PDE4D: variants seen among roughly 807,000 people sequenced by gnomAD.
PDE4D encodes 3',5'-cyclic-AMP phosphodiesterase 4D.
In PDE4D, 24 loss-of-function variants were observed where a neutral mutation model predicts 87.4. The observed-to-expected ratio is 0.27, with a 90% CI of 0.20 to 0.39. The LOEUF is 0.39. PDE4D is among the 10% of genes least tolerant of loss of function. PDE4D has a pLI of 1.00. For synonymous variants in PDE4D, 384 were observed against 383.2 expected (o/e 1.00, Z -0.02); for missense variants, 714 against 1,041.0 (o/e 0.69, Z 4.32).
In PDE4D at chr5:60,157,996, T is replaced by C. The variant is rs541230464; in HGVS notation, c.42+27561A>G. Among the ~76,000 whole-genome samples, 572 of 152,028 alleles carry C rather than the reference T, an allele frequency of 3.8e-3. 1 individual carries two copies. Among genetic ancestry groups the C allele is most frequent in the African/African-American group, 0.012 (495 of 41,420 alleles). On this transcript the variant is annotated intron_variant, in intron 2 of 16. Coordinates refer to the PDE4D transcript ENST00000502484. Reference sequence around the variant, plus strand: ...TTGAGGGTATGCTTGTGATAGAATATCCTATATCCTATTTCCCATGGAAAA... The same window carrying C: ...TTGAGGGTATGCTTGTGATAGAATACCCTATATCCTATTTCCCATGGAAAA...
chr5:59,970,381 T>C (rs2152817158), intron 3 of PDE4D, among the ~76,000 whole-genome samples: 1 of 152,150 alleles, frequency 6.6e-6, no homozygotes, highest in East Asian at 1.9e-4. Flanking sequence ...CTAAAGAGCT[T>C]CTGTACAGCA....
intron 1 of PDE4D, among the ~76,000 whole-genome samples, chr5:59,673,191 C>T (rs1313949238): frequency 6.6e-6 from 1 of 152,116 alleles, no homozygotes; most frequent in Non-Finnish European, 1.5e-5. Flanking sequence ...CAGTAAATGG[C>T]CCAACTGTTT....
intron 1 of PDE4D, among the ~76,000 whole-genome samples, chr5:59,621,338 C>T (rs2150111144): frequency 6.6e-6 from 1 of 152,288 alleles, no homozygotes; most frequent in South Asian, 2.1e-4. Flanking sequence ...CTTTATGTTT[C>T]CTGGAGTGAG....
At position 60,443,883 on chromosome 5, in the gene PDE4D, T is replaced by G. The variant is rs140244482; in HGVS notation, c.-90+44059A>C. On this transcript the variant is annotated intron_variant, in intron 1 of 16. Transcript: ENST00000502484. ...CAACATCCACTGGGTGCTAGAATCA[T>G]GAAAACAATGGCTACACATCAATGT... 1.1e-3 allele frequency among the ~76,000 whole-genome samples: 160 copies of G among 152,240 alleles called. 2 individuals are homozygous for G. Among genetic ancestry groups the G allele is most frequent in the African/African-American group, 3.8e-3 (158 of 41,552 alleles).
chr5:59,038,229 A>C (rs1406382440), intron 6 of PDE4D, among the ~76,000 whole-genome samples: 1 of 152,232 alleles, frequency 6.6e-6, no homozygotes, highest in East Asian at 1.9e-4. Context: ...GCACCTTAGC[A>C]CATATGGCAC....
chr5:59,469,852 A>G (rs16889876), intron 1 of PDE4D, among the ~76,000 whole-genome samples: 31,362 of 152,044 alleles, frequency 0.21, 3,399 homozygotes, highest in African/African-American at 0.25. Context: ...GGGCAAACCA[A>G]CGCTAAAGGC....
At chr5:59,861,649 T>C (rs1235038358) in intron 1 of PDE4D, among the ~76,000 whole-genome samples, 1 of 152,224 alleles carries the variant, frequency 6.6e-6, no homozygotes, top group East Asian at 1.9e-4. Context: ...GTTCATTTTT[T>C]TTCCCCCAGC....
intron 5 of PDE4D, among the ~76,000 whole-genome samples, chr5:59,046,332 A>G (rs1206082843): frequency 6.6e-6 from 1 of 151,500 alleles, no homozygotes; most frequent in African/African-American, 2.4e-5. Flanking sequence ...GTGCACATGC[A>G]TGTGTGTGTG....
At chr5:60,138,715 T>C (rs1172901248) in intron 2 of PDE4D, among the ~76,000 whole-genome samples, 1 of 152,092 alleles carries the variant, frequency 6.6e-6, no homozygotes, top group Non-Finnish European at 1.5e-5. Flanking sequence ...CAAACTTCAC[T>C]AAACCATGCT....
intron 1 of PDE4D, among the ~76,000 whole-genome samples, chr5:59,487,728 C>T (rs1805404645): frequency 6.6e-6 from 1 of 152,124 alleles, no homozygotes; most frequent in Non-Finnish European, 1.5e-5. Flanking sequence ...TAGTCCCTGG[C>T]TATGAATTTG....
intron 5 of PDE4D, among the ~76,000 whole-genome samples, chr5:59,055,727 ACTT>A (rs958588295): frequency 4.1e-4 from 62 of 152,230 alleles, no homozygotes; most frequent in African/African-American, 1.4e-3. Context: ...GAATCCACAT[ACTT>A]CTTCTGTTTT....
At chr5:59,291,738 G>GTTTT (rs57769300) in intron 1 of PDE4D, among the ~76,000 whole-genome samples, 3 of 125,568 alleles carry the variant, frequency 2.4e-5, no homozygotes, top group Non-Finnish European at 3.5e-5. Flanking sequence ...GTAAAAAGAA[G>GTTTT]TTTTTTTTTT....
chr5:59,721,898 C>T (rs1755881448), intron 1 of PDE4D, among the ~76,000 whole-genome samples: 2 of 152,108 alleles, frequency 1.3e-5, no homozygotes, highest in South Asian at 4.1e-4. Flanking sequence ...ATGGGAGTCG[C>T]ATATCAGGAG....
At chr5:59,290,394 T>C (rs1415399315) in intron 1 of PDE4D, among the ~76,000 whole-genome samples, 2 of 152,016 alleles carry the variant, frequency 1.3e-5, no homozygotes, top group Non-Finnish European at 2.9e-5. Flanking sequence ...GAAACTAGAC[T>C]TCTATCTTTT....
At chr5:60,053,432 CAATGGGGAAAGGATTCCCTATTTAATA>C (rs1485865066) in intron 2 of PDE4D, among the ~76,000 whole-genome samples, 2 of 152,092 alleles carry the variant, frequency 1.3e-5, no homozygotes, top group East Asian at 3.9e-4. Flanking sequence ...CAAAAACAAG[CAATGGGGAAAGGATTCCCTATTTAATA>C]AATGGTGTTG....
intron 3 of PDE4D, among the ~76,000 whole-genome samples, chr5:59,934,633 T>C (rs1320520379): frequency 6.6e-6 from 1 of 152,264 alleles, no homozygotes; most frequent in African/African-American, 2.4e-5. Flanking sequence ...TGGGCTGTCT[T>C]CTAAATAGCA....
At chr5:59,828,795 C>A (rs139335545) in intron 1 of PDE4D, among the ~76,000 whole-genome samples, 26 of 152,090 alleles carry the variant, frequency 1.7e-4, no homozygotes, top group African/African-American at 6.3e-4. Context: ...TCTCATGAGC[C>A]CTAGTAGATA....
At chr5:60,137,515 G>A (rs952490879) in intron 2 of PDE4D, among the ~76,000 whole-genome samples, 17 of 152,116 alleles carry the variant, frequency 1.1e-4, no homozygotes, top group African/African-American at 4.1e-4. Context: ...GTATCTCATT[G>A]TGGTTTTGAT....
intron 2 of PDE4D, among the ~76,000 whole-genome samples, chr5:60,017,994 C>G (rs778198951): frequency 1.3e-5 from 2 of 151,986 alleles, no homozygotes; most frequent in South Asian, 4.2e-4. Context: ...CAATTCTGAC[C>G]GGCATGAGAT....
Sources: gnomAD v4.1 joint callset for allele counts (sites outside exome capture counted in the v4.1 genomes callset) on GRCh38, gnomAD v4.1.1 for gene constraint, MANE v1.5 for transcripts, NCBI Gene and HGNC (gene_info 2026-07-23, HGNC 2026-07-21) for gene names.